Variants in STEAP3 observed in about 807,000 individuals in gnomAD.
STEAP3 encodes the protein STEAP3 metalloreductase.
STEAP3 carries 35 observed loss-of-function variants against 34.9 expected under a neutral mutation model. The observed-to-expected ratio is 1.00, with a 90% confidence interval of 0.76 to 1.33. STEAP3 has a LOEUF of 1.33. Ranked by LOEUF, STEAP3 falls within the 40% of genes most tolerant of loss-of-function variation. STEAP3 has a pLI of 0.00. For synonymous variants in STEAP3, 281 were observed against 301.6 expected (o/e 0.93, Z 0.71); for missense variants, 652 against 667.6 (o/e 0.98, Z 0.26).
rs779387342 is a variant in STEAP3 at position 119,245,861 on chromosome 2, A to G, written c.395A>G (p.His132Arg). 5 of 1,614,136 alleles carry G rather than the reference A, an allele frequency of 3.1e-6. No homozygotes were observed. Among genetic ancestry groups the G allele is most frequent in the Non-Finnish European group, 4.2e-6 (5 of 1,180,042 alleles). Residue 132 changes from histidine (H) to arginine (R), a missense_variant, in exon 3 of 6, where the codon CAC becomes CGC. By Grantham distance (29) the His-to-Arg change is conservative. Coordinates refer to ENST00000393110, the MANE Select transcript of STEAP3 (RefSeq NM_182915.3). ...VDVSNPTEQE[H>R]LQHRESNAEY... is the part of the protein sequence containing the mutation. The stretch of plus-strand genomic sequence containing the variant: ...GTGAGCAACCCTACAGAGCAAGAGC[A>G]CCTTCAGCATCGTGAGTCCAATGCT...
intron 4 of STEAP3, among the ~76,000 whole-genome samples, chr2:119,252,672 G>A (rs1194543090): frequency 6.6e-6 from 1 of 152,168 alleles, no homozygotes; most frequent in Non-Finnish European, 1.5e-5. Flanking sequence ...TTAGCCATGT[G>A]TGCCACTGGT....
At position 119,235,173 on chromosome 2, in the gene STEAP3, T is replaced by C. The variant is rs537299730; in HGVS notation, c.22+4139T>C. On this transcript the variant is annotated intron_variant, in intron 2 of 5. Coordinates refer to ENST00000393110, the MANE Select transcript of STEAP3 (RefSeq NM_182915.3). ...TAATGACCCACATGTAGCCAGGGAGTGGTCCCCATGGGGTTTGTTTTATTG... is the reference window on the plus strand; with the variant it reads ...TAATGACCCACATGTAGCCAGGGAGCGGTCCCCATGGGGTTTGTTTTATTG... Among the ~76,000 whole-genome samples the C allele has an allele frequency of 2.9e-3, 441 of 151,944 alleles. 4 individuals carry two copies. Among genetic ancestry groups the C allele is most frequent in the African/African-American group, 0.01 (422 of 41,412 alleles).
Position 119,256,619 on chromosome 2 carries a change from A to T in STEAP3, c.1215+1771A>T, listed in dbSNP as rs1265112789. The stretch of plus-strand genomic sequence containing the variant: ...TCTACTTTACATATTAAAGAGTGGA[A>T]ATACAAATAGGACAGTCCTTTTGCC... On this transcript the variant is annotated intron_variant, in intron 5 of 5. Transcript: ENST00000393110. Among the ~76,000 whole-genome samples the T allele has an allele frequency of 2.0e-5, 3 of 152,360 alleles. No homozygotes were observed. In the East Asian group the frequency reaches 5.8e-4, roughly 29 times the overall value.
At chr2:119,227,463 A>T (rs1679077398) in intron 1 of STEAP3, among the ~76,000 whole-genome samples, 2 of 152,178 alleles carry the variant, frequency 1.3e-5, no homozygotes, top group Non-Finnish European at 2.9e-5. Context: ...CTTCCCAGTC[A>T]GTCTGTCTTC....
intron 5 of STEAP3, among the ~76,000 whole-genome samples, chr2:119,255,480 A>G (rs958136807): frequency 2.0e-5 from 3 of 152,206 alleles, no homozygotes; most frequent in Non-Finnish European, 4.4e-5. Context: ...AGAGATCACA[A>G]TGCACTTTGG....
At chr2:119,233,499 G>C (rs368049793) in intron 2 of STEAP3, among the ~76,000 whole-genome samples, 1 of 152,156 alleles carries the variant, frequency 6.6e-6, no homozygotes, top group African/African-American at 2.4e-5. Context: ...GCCCCAGCTA[G>C]GTTCTGGGGA....
rs761921420 is a variant in STEAP3, at chr2:119,231,011, G to A, written c.-2G>A. The A allele has an allele frequency of 1.7e-5, 28 of 1,614,096 alleles. No individual in the cohort carries two copies. The highest frequency in any genetic ancestry group is 1.9e-5 in the Non-Finnish European group (23 of 1,180,050). ...AGAGCCTCAGACCCTCACGTCAGCC[G>A]GATGTCGCACCAGCCTGCTGTTGGT... On this transcript the variant is annotated 5_prime_UTR_variant, in exon 2 of 6. Coordinates refer to ENST00000393110, the MANE Select transcript of STEAP3 (RefSeq NM_182915.3).
rs1219550547 is a variant in STEAP3, at chr2:119,254,752, G to A, written c.1119G>A (p.Leu373=). 1.2e-6 allele frequency: 2 copies of A among 1,614,140 alleles called. No homozygotes were observed. Among genetic ancestry groups the A allele is most frequent in the Non-Finnish European group, 1.7e-6 (2 of 1,180,026 alleles). ...GGCGGATGGAGATCTACCTCTCCCT[G>A]GGAGTGCTGGCCCTCGGCACGTTGT... is the stretch of plus-strand genomic sequence containing the variant. ...EVWRMEIYLS[L]GVLALGTLSL... is the part of the protein sequence containing the mutation. The change falls in exon 5 of 6, where the codon CTG becomes CTA. Residue 373 remains leucine, a synonymous_variant. Coordinates refer to ENST00000393110, the MANE Select transcript of STEAP3 (RefSeq NM_182915.3).
At chr2:119,229,206 C>T (rs1679140428) in intron 1 of STEAP3, among the ~76,000 whole-genome samples, 1 of 152,184 alleles carries the variant, frequency 6.6e-6, no homozygotes, top group Non-Finnish European at 1.5e-5. Context: ...ACAGTGGTGC[C>T]ATCTCGGCTC....
In STEAP3 at chr2:119,263,078, C is replaced by G; in HGVS notation, c.1237C>G (p.Leu413Val). ...ACAGTCCTCACTGGGCTTTGTGGCC[C>G]TCGTGCTGAGCACACTGCACACGCT... Reference protein sequence around the residue: ...FVQSSLGFVALVLSTLHTLTY... With the variant: ...FVQSSLGFVAVVLSTLHTLTY... The change falls in exon 6 of 6, where the codon CTC (leucine) becomes GTC (valine). Residue 413 changes from leucine to valine, a missense_variant. Transcript: ENST00000393110. The G allele has an allele frequency of 6.2e-7, 1 of 1,607,894 alleles. No homozygotes were observed. Among genetic ancestry groups the G allele is most frequent in the Non-Finnish European group, 8.5e-7 (1 of 1,179,982 alleles).
chr2:119,242,852 A>G (rs932107947), intron 2 of STEAP3, among the ~76,000 whole-genome samples: 3 of 152,180 alleles, frequency 2.0e-5, no homozygotes, highest in African/African-American at 7.2e-5. Flanking sequence ...CTGGCTCCAG[A>G]GCCCGGCTCC....
intron 2 of STEAP3, among the ~76,000 whole-genome samples, chr2:119,235,603 G>A (rs569975401): frequency 1.3e-5 from 2 of 152,374 alleles, no homozygotes; most frequent in East Asian, 3.9e-4. Context: ...AGGTGACCCT[G>A]ATGCAGCTCA....
intron 2 of STEAP3, among the ~76,000 whole-genome samples, chr2:119,240,372 TG>T (rs1677212082): frequency 6.6e-6 from 1 of 152,254 alleles, no homozygotes; most frequent in Admixed American, 6.5e-5. Context: ...CCACTCCATC[TG>T]GCTGCAGGGT....
At chr2:119,243,152 T>C (rs151042685) in intron 2 of STEAP3, among the ~76,000 whole-genome samples, 43 of 152,292 alleles carry the variant, frequency 2.8e-4, no homozygotes, top group South Asian at 6.2e-4. Flanking sequence ...AGCCAATCCC[T>C]GTTATCCTGT....
intron 1 of STEAP3, among the ~76,000 whole-genome samples, chr2:119,228,983 C>T (rs958821226): frequency 3.3e-5 from 5 of 152,130 alleles, no homozygotes; most frequent in African/African-American, 4.8e-5. Flanking sequence ...CACAGTGCAG[C>T]TTCTCCAAAG....
At chr2:119,232,605 T>C (rs1275416037) in intron 2 of STEAP3, among the ~76,000 whole-genome samples, 1 of 152,170 alleles carries the variant, frequency 6.6e-6, no homozygotes, top group Non-Finnish European at 1.5e-5. Context: ...AACTTCTTAT[T>C]TGCATAAAAT....
intron 4 of STEAP3, among the ~76,000 whole-genome samples, chr2:119,250,176 T>C (rs1198856422): frequency 1.3e-5 from 2 of 152,220 alleles, no homozygotes; most frequent in Non-Finnish European, 2.9e-5. Context: ...ATTGAGTAAA[T>C]GATTTCAGAA....
intron 2 of STEAP3, among the ~76,000 whole-genome samples, chr2:119,237,370 G>A (rs1231223151): frequency 6.6e-6 from 1 of 152,210 alleles, no homozygotes; most frequent in Non-Finnish European, 1.5e-5. Context: ...GAGAGAGAGA[G>A]AGGGTAGGGA....
At chr2:119,246,568 C>T (rs1169599156) in intron 3 of STEAP3, 1 of 155,290 alleles carries the variant, frequency 6.4e-6, no homozygotes, top group Non-Finnish European at 1.4e-5. Flanking sequence ...GTTTTTAATG[C>T]ATTTTCTTGG....
Sources: gnomAD v4.1 joint callset for allele counts (sites outside exome capture counted in the v4.1 genomes callset) on GRCh38, gnomAD v4.1.1 for gene constraint, MANE v1.5 for transcripts, NCBI Gene and HGNC (gene_info 2026-07-23, HGNC 2026-07-21) for gene names.